PLEKHA6: variants seen among roughly 807,000 people sequenced by gnomAD.
PLEKHA6 encodes pleckstrin homology domain-containing family A member 6.
PLEKHA6 carries 60 observed loss-of-function variants against 116.7 expected under a neutral mutation model. The ratio of observed to expected loss-of-function variants is 0.51; its 90% CI spans 0.42 to 0.64. The LOEUF (loss-of-function observed/expected upper bound fraction) is 0.64. Ranked by LOEUF, PLEKHA6 falls within the 30% of genes least tolerant of loss-of-function variation. The pLI, the probability that PLEKHA6 is intolerant of heterozygous loss-of-function variation, is 0.00. For synonymous variants in PLEKHA6, 489 were observed against 556.1 expected, an observed-to-expected ratio of 0.88 and a Z score of 1.70; for missense variants, 1,338 against 1,422.7, an observed-to-expected ratio of 0.94 and a Z score of 0.96.
chr1:204,305,834 T>A (rs1473745019), intron 1 of PLEKHA6, among the ~76,000 whole-genome samples: 1 of 152,186 alleles, frequency 6.6e-6, no homozygotes, highest in Non-Finnish European at 1.5e-5. Context: ...AATGGCTGTG[T>A]GATTGCCTTC....
At chr1:204,335,230 C>A (rs907704475) in intron 1 of PLEKHA6, among the ~76,000 whole-genome samples, 76 of 152,202 alleles carry the variant, frequency 5.0e-4, no homozygotes, top group African/African-American at 1.7e-3. Context: ...CACTTCCCCC[C>A]ACACACATAC....
chr1:204,252,186 C>T (rs200960099), intron 9 of PLEKHA6, among the ~76,000 whole-genome samples: 5 of 148,030 alleles, frequency 3.4e-5, no homozygotes, highest in Admixed American at 1.4e-4. Flanking sequence ...TCTCGGATGA[C>T]GCTAGGGAGC....
intron 1 of PLEKHA6, among the ~76,000 whole-genome samples, chr1:204,330,206 G>T (rs887244783): frequency 5.3e-5 from 8 of 152,086 alleles, no homozygotes; most frequent in Non-Finnish European, 8.8e-5. Flanking sequence ...ACCATGTTGG[G>T]CAGGCTGGTC....
At chr1:204,377,339 A>G (rs1572241737) in intron 1 of PLEKHA6, among the ~76,000 whole-genome samples, 1 of 151,872 alleles carries the variant, frequency 6.6e-6, no homozygotes, top group Non-Finnish European at 1.5e-5. Flanking sequence ...AAAGGGCAGC[A>G]CTCCCCTGCC....
At chr1:204,267,814 A>G (rs551297529) in intron 4 of PLEKHA6, among the ~76,000 whole-genome samples, 1 of 152,252 alleles carries the variant, frequency 6.6e-6, no homozygotes, top group Admixed American at 6.5e-5. Context: ...GAGTGAGTGG[A>G]AGGGCAGGCA....
At chr1:204,237,691 T>C (rs1662254475) in intron 17 of PLEKHA6, among the ~76,000 whole-genome samples, 1 of 152,356 alleles carries the variant, frequency 6.6e-6, no homozygotes, top group Middle Eastern at 3.4e-3. Context: ...CAGAAGCAAT[T>C]TGCCTTCAGC....
At chr1:204,271,213 G>A (rs896607067) in intron 3 of PLEKHA6, among the ~76,000 whole-genome samples, 2 of 152,098 alleles carry the variant, frequency 1.3e-5, no homozygotes, top group African/African-American at 4.8e-5. Context: ...TGTGGCCCAG[G>A]GAAGCCAAAA....
intron 2 of PLEKHA6, among the ~76,000 whole-genome samples, chr1:204,274,200 G>C (rs1312596930): frequency 3.3e-5 from 5 of 152,060 alleles, no homozygotes; most frequent in Non-Finnish European, 7.4e-5. Flanking sequence ...CCAAAATGCT[G>C]AGATTACAGG....
At chr1:204,308,529 T>A (rs545258165) in intron 1 of PLEKHA6, among the ~76,000 whole-genome samples, 1 of 152,182 alleles carries the variant, frequency 6.6e-6, no homozygotes, top group East Asian at 1.9e-4. Context: ...AGCTTCAGTT[T>A]CCTTATCTGT....
At chr1:204,294,069 G>A (rs1048683219) in intron 1 of PLEKHA6, among the ~76,000 whole-genome samples, 2 of 152,178 alleles carry the variant, frequency 1.3e-5, no homozygotes, top group African/African-American at 4.8e-5. Flanking sequence ...GTTTTTAAAA[G>A]GAAAAAGAGA....
At chr1:204,353,713 G>T (rs918280907) in intron 1 of PLEKHA6, among the ~76,000 whole-genome samples, 2 of 152,180 alleles carry the variant, frequency 1.3e-5, no homozygotes, top group African/African-American at 4.8e-5. Context: ...TCCCATTTTA[G>T]AGATGAGGAT....
In PLEKHA6 at chr1:204,373,713, G is replaced by A. The variant is rs773513108; in HGVS notation, c.84-2107C>T. Among the ~76,000 whole-genome samples, 15 of 152,268 alleles carry A rather than the reference G, an allele frequency of 9.9e-5. No homozygotes were observed. The South Asian group carries it at 1.0e-3, about 11-fold the overall frequency. ...AACATTTGTGTACTAGTGTTGGTGT[G>A]AAAATATGCTTTTTTTTCTATTGAC... On this transcript the variant is annotated intron_variant, in intron 1 of 4. Transcript: ENST00000564627.
chr1:204,279,989 T>C (rs575423460), intron 1 of PLEKHA6, among the ~76,000 whole-genome samples: 1 of 152,156 alleles, frequency 6.6e-6, no homozygotes, highest in African/African-American at 2.4e-5. Context: ...ATATGCCAGA[T>C]GAAGGAGCGA....
chr1:204,280,209 A>C (rs1206846065), intron 1 of PLEKHA6: 57 of 650,726 alleles, frequency 8.8e-5, no homozygotes, highest in Non-Finnish European at 1.1e-4. Flanking sequence ...ACAGTACCTC[A>C]CATAGAGATA....
intron 17 of PLEKHA6, among the ~76,000 whole-genome samples, chr1:204,233,158 T>G (rs1661430419): frequency 6.7e-6 from 1 of 148,966 alleles, no homozygotes; most frequent in African/African-American, 2.5e-5. Flanking sequence ...GCAGATTAAT[T>G]TATTCTTTCT....
chr1:204,337,563 G>C (rs1251865828), intron 1 of PLEKHA6, among the ~76,000 whole-genome samples: 1 of 152,204 alleles, frequency 6.6e-6, no homozygotes, highest in African/African-American at 2.4e-5. Flanking sequence ...GAATTAATGA[G>C]CTCTCGTTGG....
At chr1:204,230,666 C>T in intron 17 of PLEKHA6, 80 bp from the exon 18 acceptor site, 2 of 1,247,192 alleles carry the variant, frequency 1.6e-6, no homozygotes, top group Non-Finnish European at 2.2e-6. Context: ...TTAACATTTA[C>T]CTTCTACGGG....
At position 204,273,698 on chromosome 1, in the gene PLEKHA6, C is replaced by T. The variant is rs150934071; in HGVS notation, c.30G>A (p.Pro10=). Residue 10 remains proline (P), a synonymous_variant, in exon 3 of 23, where the codon CCG becomes CCA. Coordinates refer to ENST00000272203, the MANE Select transcript of PLEKHA6 (RefSeq NM_014935.5). MSNKTGGKR[P]ATTNSDIPNH... Reference sequence around the variant, plus strand: ...TGGGTATGTCACTGTTGGTGGTAGCCGGGCGTTTCCCACCTGTTTTATTGG... The same window carrying T: ...TGGGTATGTCACTGTTGGTGGTAGCTGGGCGTTTCCCACCTGTTTTATTGG... 3.0e-4 allele frequency: 490 copies of T among 1,614,106 alleles called. 1 individual carries two copies. The highest frequency in any genetic ancestry group is 2.2e-3 in the South Asian group (198 of 91,068).
intron 1 of PLEKHA6, among the ~76,000 whole-genome samples, chr1:204,328,766 C>T (rs1434698506): frequency 6.6e-6 from 1 of 152,218 alleles, no homozygotes; most frequent in Non-Finnish European, 1.5e-5. Flanking sequence ...TACTAGATTG[C>T]TATGAGTAGA....
Sources: gnomAD v4.1 joint callset for allele counts (sites outside exome capture counted in the v4.1 genomes callset) on GRCh38, gnomAD v4.1.1 for gene constraint, MANE v1.5 for transcripts, NCBI Gene and HGNC (gene_info 2026-07-23, HGNC 2026-07-21) for gene names.